The following ANKRD65 variants were observed in gnomAD, a reference collection of about 807,000 sequenced individuals.
ANKRD65 encodes ankyrin repeat domain 65, also known as ankyrin repeat domain-containing protein 65.
ANKRD65 carries 26 observed loss-of-function variants against 17.2 expected under a neutral mutation model. The ratio of observed to expected loss-of-function variants is 1.51; its 90% CI spans 1.11 to 2.09. The LOEUF is 2.09. Ranked by LOEUF, ANKRD65 falls within the 30% of genes most tolerant of loss-of-function variation. The pLI, the probability that ANKRD65 is intolerant of heterozygous loss-of-function variation, is 0.00. For synonymous variants in ANKRD65, 311 were observed against 272.2 expected (o/e 1.14, Z -1.40); for missense variants, 621 against 542.2 (o/e 1.15, Z -1.44).
rs189158795 is a variant in ANKRD65, at chr1:1,418,882, G to A, written c.*218C>T. 2.5e-5 allele frequency: 13 copies of A among 513,418 alleles called. No individual in the cohort carries two copies. In the East Asian group the frequency reaches 3.2e-4, roughly 13 times the overall value. The allele number at this position is 513,418 out of a possible 1,614,324, so 31.8% of individuals were successfully genotyped here. On this transcript the variant is annotated 3_prime_UTR_variant, in exon 4 of 4. Transcript: ENST00000537107. ...CACAACTCATTCTTTGTTGAAGTAT[G>A]GAGAAGGCTGGAGCTGCAGGGTCAG...
Position 1,420,128 on chromosome 1 carries a change from CG to C in ANKRD65, c.673del (p.Arg225AlafsTer22). 8.0e-7 allele frequency: 1 copy of C among 1,250,726 alleles called. No homozygotes were observed. Among genetic ancestry groups the C allele is most frequent in the Non-Finnish European group, 1.0e-6 (1 of 998,548 alleles). The allele number at this position is 1,250,726 out of a possible 1,614,324, so 77.5% of individuals were successfully genotyped here. On this transcript the variant is annotated frameshift_variant, in exon 3 of 4. Coordinates refer to ENST00000537107, the MANE Select transcript of ANKRD65 (RefSeq NM_001145210.3). LOFTEE classifies it high-confidence loss of function. ...RGAALRFLLA[R>X]GARVDARDGA... The stretch of plus-strand genomic sequence containing the variant: ...ATCCCGGGCGTCCACCCGCGCCCCG[CG>C]CGCCAGGAGGAAGCGCAGCGCCGCC...
At chr1:1,419,678 A>C in intron 3 of ANKRD65, 129 bp from the exon 4 acceptor site, 3 of 904,428 alleles carry the variant, frequency 3.3e-6, no homozygotes, top group Non-Finnish European at 3.2e-6. Context: ...CCACTTCCTC[A>C]TGTTGTGAGG....
chr1:1,420,649 C>CCG, intron 2 of ANKRD65, 57 bp from the exon 3 acceptor site: 3 of 1,393,694 alleles, frequency 2.2e-6, no homozygotes, highest in South Asian at 1.6e-5. Flanking sequence ...GAACCCCGCC[C>CCG]TGCCCCACCC....
At chr1:1,421,072 G>A (rs1645550005) in intron 1 of ANKRD65, 61 bp downstream of exon 1, 1 of 1,453,100 alleles carries the variant, frequency 6.9e-7, no homozygotes. Context: ...CGTGTCCCAG[G>A]CCAACTGGAG....
intron 3 of ANKRD65, 39 bp downstream of exon 3, chr1:1,420,013 G>C: frequency 8.0e-7 from 1 of 1,252,586 alleles, no homozygotes; most frequent in Non-Finnish European, 1.0e-6. Flanking sequence ...CTGGCCCTGC[G>C]CCCCCTCCCA....
chr1:1,420,375 G>A lies in ANKRD65; in HGVS notation c.427C>T (p.Pro143Ser). ...AAARSGTGLT[P>S]LHWAAALGHT... ...CCCAGGGCAGCGGCCCAGTGCAGCG[G>A]CGTGAGGCCCGTCCCGGAGCGAGCC... Residue 143 changes from proline (P) to serine (S), a missense_variant, in exon 3 of 4, where the codon CCG (proline) becomes TCG (serine). By Grantham distance (74) the Pro-to-Ser change is moderately conservative (BLOSUM62 -1). Coordinates refer to ENST00000537107, the MANE Select transcript of ANKRD65 (RefSeq NM_001145210.3). The A allele has an allele frequency of 7.8e-7, 1 of 1,287,946 alleles. No individual in the cohort carries two copies. Among genetic ancestry groups the A allele is most frequent in the Non-Finnish European group, 9.9e-7 (1 of 1,011,606 alleles). 79.8% of individuals were successfully genotyped at this position (1,287,946 alleles called of 1,614,324 possible).
chr1:1,420,150 C>G lies in ANKRD65; in HGVS notation c.652G>C (p.Ala218Pro). The change falls in exon 3 of 4, where the codon GCG (alanine) becomes CCG (proline). Residue 218 changes from alanine (A) to proline (P), a missense_variant. Coordinates refer to ENST00000537107, the MANE Select transcript of ANKRD65 (RefSeq NM_001145210.3). ...LVAAAAGRGA[A>P]LRFLLARGAR... is the part of the protein sequence containing the mutation. ...CCGCGCGCCAGGAGGAAGCGCAGCG[C>G]CGCCCCGCGCCCCGCAGCGGCAGCC... 2 of 1,184,446 alleles carry G rather than the reference C, an allele frequency of 1.7e-6. No homozygotes were observed. Among genetic ancestry groups the G allele is most frequent in the Non-Finnish European group, 2.1e-6 (2 of 958,924 alleles). 73.4% of individuals were successfully genotyped at this position (1,184,446 alleles called of 1,614,324 possible). A position where few individuals can be genotyped will look rare whatever the true frequency, so the allele number is the denominator to read the frequency against.
chr1:1,419,405 C>T lies in ANKRD65; in HGVS notation c.895G>A (p.Asp299Asn), dbSNP rs1429688514. The change falls in exon 4 of 4, where the codon GAC becomes AAC. Residue 299 changes from aspartate to asparagine, a missense_variant. By Grantham distance (23) the Asp-to-Asn change is conservative (BLOSUM62 1). Coordinates refer to ENST00000537107, the MANE Select transcript of ANKRD65 (RefSeq NM_001145210.3). ...VTQGAEVDAR[D>N]TLGLTPLHHA... Reference sequence around the variant, plus strand: ...TGCAGGGGTGTGAGGCCCAGGGTGTCCCGCGCATCCACCTCGGCCCCCTGG... The same window carrying T: ...TGCAGGGGTGTGAGGCCCAGGGTGTTCCGCGCATCCACCTCGGCCCCCTGG... The T allele has an allele frequency of 9.7e-6, 15 of 1,549,854 alleles. No homozygotes were observed. The highest frequency in any genetic ancestry group is 1.3e-5 in the Non-Finnish European group (15 of 1,146,818).
In ANKRD65 at chr1:1,419,515, G is replaced by A. The variant is rs560402922; in HGVS notation, c.785C>T (p.Pro262Leu). ...GCGGCCATGCCTGTCCCTGATGCCT[G>A]GGTCTGCCCCGTGGCCCAGCAGCAC... ...IEVLLGHGAD[P>L]GIRDRHGRSA... Residue 262 changes from proline (P) to leucine (L), a missense_variant, in exon 4 of 4, where the codon CCA becomes CTA. Pro to Leu is a moderately conservative substitution (Grantham distance 98). Coordinates refer to ENST00000537107, the MANE Select transcript of ANKRD65 (RefSeq NM_001145210.3). 2.3e-5 allele frequency: 35 copies of A among 1,539,406 alleles called. No individual in the cohort carries two copies. In the East Asian group the frequency reaches 8.1e-4, roughly 36 times the overall value.
Position 1,419,078 on chromosome 1 carries a change from A to AGCCT in ANKRD65, c.*18_*21dup. The AGCCT allele has an allele frequency of 6.8e-7, 1 of 1,468,094 alleles. No homozygotes were observed. Among genetic ancestry groups the AGCCT allele is most frequent in the Non-Finnish European group, 9.1e-7 (1 of 1,102,242 alleles). 90.9% of individuals were successfully genotyped at this position (1,468,094 alleles called of 1,614,324 possible). A position where few individuals can be genotyped will look rare whatever the true frequency, so the allele number is the denominator to read the frequency against. The stretch of plus-strand genomic sequence containing the variant: ...AGCCTGGAAATCACTGGGGCGGTGG[A>AGCCT]GCCTGGAGCCTGCTGTCTGGCTCAG... On this transcript the variant is annotated 3_prime_UTR_variant, in exon 4 of 4. Transcript: ENST00000537107.
chr1:1,420,842 C>T lies in ANKRD65; in HGVS notation c.164G>A (p.Gly55Asp). Residue 55 changes from glycine (G) to aspartate (D), a missense_variant, in exon 2 of 4, where the codon GGC (glycine) becomes GAC (aspartate). Physicochemically the swap from Gly to Asp is moderately conservative, Grantham distance 94 (BLOSUM62 -1). Coordinates refer to ENST00000537107, the MANE Select transcript of ANKRD65 (RefSeq NM_001145210.3). ...LLQAVWRGPAGLVTQLLRQGA... is the reference protein window; with the variant it reads ...LLQAVWRGPADLVTQLLRQGA... Reference sequence around the variant, plus strand: ...TTGCCGCAGCAGCTGCGTCACCAGGCCTGCAGGGCCCCTCCACACGGCCTG... The same window carrying T: ...TTGCCGCAGCAGCTGCGTCACCAGGTCTGCAGGGCCCCTCCACACGGCCTG... 1 of 1,549,578 alleles carries T rather than the reference C, an allele frequency of 6.5e-7. No homozygotes were observed. The highest frequency in any genetic ancestry group is 8.7e-7 in the Non-Finnish European group (1 of 1,146,924).
At chr1:1,420,031 C>A in intron 3 of ANKRD65, 21 bp downstream of exon 3, 1 of 1,265,146 alleles carries the variant, frequency 7.9e-7, no homozygotes, top group South Asian at 2.5e-5. Flanking sequence ...CCATCACTGC[C>A]GGGCGGAGGG....
In ANKRD65 at chr1:1,420,053, TGG is replaced by T; in HGVS notation, c.747_748del (p.Gln250GlyfsTer3). The T allele has an allele frequency of 7.8e-7, 1 of 1,275,450 alleles. No individual in the cohort carries two copies. The highest frequency in any genetic ancestry group is 9.9e-7 in the Non-Finnish European group (1 of 1,011,246). The allele number at this position is 1,275,450 out of a possible 1,614,324, so 79.0% of individuals were successfully genotyped here. On this transcript the variant is annotated frameshift_variant and splice_region_variant, in exon 3 of 4. Coordinates refer to ENST00000537107, the MANE Select transcript of ANKRD65 (RefSeq NM_001145210.3). LOFTEE classifies it low-confidence loss of function (END_TRUNC). ...TGCCGGGCGGAGGGCGGGACGTACC[TGG>T]GAGCGGCCTAGGGCGGCCGCCAGAC... is the stretch of plus-strand genomic sequence containing the variant.
chr1:1,418,844 C>G lies in ANKRD65; in HGVS notation c.*256G>C. 2.2e-6 allele frequency: 1 copy of G among 463,772 alleles called. No individual in the cohort carries two copies. The allele number at this position is 463,772 out of a possible 1,614,324, so 28.7% of individuals were successfully genotyped here. On this transcript the variant is annotated 3_prime_UTR_variant, in exon 4 of 4. Transcript: ENST00000537107. ...TATAAAACACTATGAGAGGGTCTCT[C>G]TTCCCTCATTGCCACAACTCATTCT...
chr1:1,420,736 TG>T, intron 2 of ANKRD65, 60 bp downstream of exon 2: 3 of 1,401,230 alleles, frequency 2.1e-6, no homozygotes. Flanking sequence ...CACCCAGTGC[TG>T]GGACCCCCAT....
Position 1,420,600 on chromosome 1 carries a change from G to T in ANKRD65, c.210-8C>A. On this transcript the variant is annotated splice_region_variant and splice_polypyrimidine_tract_variant and intron_variant, in intron 2 of 3. Transcript: ENST00000537107. Reference sequence around the variant, plus strand: ...GTCCGGCCTGCGTGGTCCCTGAGGAGGGGGCAAGGGCGTCGGCGCGGGGGT... The same window carrying T: ...GTCCGGCCTGCGTGGTCCCTGAGGATGGGGCAAGGGCGTCGGCGCGGGGGT... 7.1e-7 allele frequency: 1 copy of T among 1,407,556 alleles called. No individual in the cohort carries two copies. The highest frequency in any genetic ancestry group is 9.2e-7 in the Non-Finnish European group (1 of 1,083,640). 87.2% of individuals were successfully genotyped at this position (1,407,556 alleles called of 1,614,324 possible). A position where few individuals can be genotyped will look rare whatever the true frequency, so the allele number is the denominator to read the frequency against.
In ANKRD65 at chr1:1,419,058, G is replaced by C; in HGVS notation, c.*42C>G. On this transcript the variant is annotated 3_prime_UTR_variant, in exon 4 of 4. Coordinates refer to ENST00000537107, the MANE Select transcript of ANKRD65 (RefSeq NM_001145210.3). Reference sequence around the variant, plus strand: ...GCAGGCAGCCTCAGCCAGAGAGCCTGGAAATCACTGGGGCGGTGGAGCCTG... The same window carrying C: ...GCAGGCAGCCTCAGCCAGAGAGCCTCGAAATCACTGGGGCGGTGGAGCCTG... 1 of 1,452,556 alleles carries C rather than the reference G, an allele frequency of 6.9e-7. No homozygotes were observed. 90.0% of individuals were successfully genotyped at this position (1,452,556 alleles called of 1,614,324 possible).
At position 1,419,073 on chromosome 1, in the gene ANKRD65, G is replaced by T. The variant is rs530596627; in HGVS notation, c.*27C>A. On this transcript the variant is annotated 3_prime_UTR_variant, in exon 4 of 4. Transcript: ENST00000537107. ...CAGAGAGCCTGGAAATCACTGGGGC[G>T]GTGGAGCCTGGAGCCTGCTGTCTGG... The T allele has an allele frequency of 1.4e-6, 2 of 1,462,610 alleles. No homozygotes were observed. Among genetic ancestry groups the T allele is most frequent in the Non-Finnish European group, 1.8e-6 (2 of 1,100,144 alleles). The allele number at this position is 1,462,610 out of a possible 1,614,324, so 90.6% of individuals were successfully genotyped here.
At position 1,420,792 on chromosome 1, in the gene ANKRD65, T is replaced by C; in HGVS notation, c.209+5A>G. 1 of 1,544,446 alleles carries C rather than the reference T, an allele frequency of 6.5e-7. No individual in the cohort carries two copies. Among genetic ancestry groups the C allele is most frequent in the Non-Finnish European group, 8.7e-7 (1 of 1,144,530 alleles). The stretch of plus-strand genomic sequence containing the variant: ...GGACCCCTTCACCCCCCAGCGCAGG[T>C]GCACCTCTCCTCCACGCTGGCACCT... On this transcript the variant is annotated splice_donor_5th_base_variant and intron_variant, in intron 2 of 3. Transcript: ENST00000537107.
Sources: allele counts gnomAD v4.1 joint callset, GRCh38; gene constraint gnomAD v4.1.1; transcripts MANE v1.5; gene names NCBI Gene and HGNC (gene_info 2026-07-23, HGNC 2026-07-21).